SIPA1L1: variants seen among roughly 807,000 people sequenced by gnomAD.
SIPA1L1 encodes the protein signal-induced proliferation-associated 1-like protein 1.
SIPA1L1 carries 26 observed loss-of-function variants against 162.7 expected under a neutral mutation model. That is an observed-to-expected ratio of 0.16 (90% CI 0.12 to 0.22). The LOEUF is 0.22. Ranked by LOEUF, SIPA1L1 falls within the 10% of genes least tolerant of loss-of-function variation. The pLI, the probability that SIPA1L1 is intolerant of heterozygous loss-of-function variation, is 1.00. For synonymous variants in SIPA1L1, 829 were observed against 837.4 expected, an observed-to-expected ratio of 0.99 and a Z score of 0.17; for missense variants, 1,874 against 2,241.0, an observed-to-expected ratio of 0.84 and a Z score of 3.31.
At chr14:71,721,993 C>T (rs921216127) in intron 17 of SIPA1L1, among the ~76,000 whole-genome samples, 1 of 152,200 alleles carries the variant, frequency 6.6e-6, no homozygotes, top group African/African-American at 2.4e-5. Context: ...ATGCTCTGTC[C>T]GTGGGTGCCA....
intron 20 of SIPA1L1, among the ~76,000 whole-genome samples, chr14:71,731,536 G>T (rs1411888065): frequency 6.6e-6 from 1 of 152,132 alleles, no homozygotes; most frequent in South Asian, 2.1e-4. Context: ...TCAGTCTTCC[G>T]TGAATTCCAT....
At chr14:71,651,903 G>A (rs754926872) in intron 8 of SIPA1L1, among the ~76,000 whole-genome samples, 1 of 152,198 alleles carries the variant, frequency 6.6e-6, no homozygotes, top group Non-Finnish European at 1.5e-5. Flanking sequence ...AAAGGCTAGA[G>A]GGGGATGAGC....
At chr14:71,580,737 C>T (rs1056049312) in intron 4 of SIPA1L1, among the ~76,000 whole-genome samples, 1 of 152,054 alleles carries the variant, frequency 6.6e-6, no homozygotes, top group Non-Finnish European at 1.5e-5. Flanking sequence ...AGTATAGTAT[C>T]TTAGAATTAG....
intron 4 of SIPA1L1, among the ~76,000 whole-genome samples, chr14:71,533,752 A>C (rs2053649223): frequency 6.6e-6 from 1 of 152,240 alleles, no homozygotes; most frequent in Non-Finnish European, 1.5e-5. Context: ...CAAATTATAA[A>C]ATTGTTAGAA....
chr14:71,540,518 GAAAAATAA>G (rs1372694661), intron 4 of SIPA1L1, among the ~76,000 whole-genome samples: 3 of 151,906 alleles, frequency 2.0e-5, no homozygotes, highest in Admixed American at 6.6e-5. Context: ...GCATCTCTAC[GAAAAATAA>G]AATTTAAAAA....
intron 4 of SIPA1L1, among the ~76,000 whole-genome samples, chr14:71,540,163 G>A (rs2054254924): frequency 6.6e-6 from 1 of 152,170 alleles, no homozygotes. Flanking sequence ...ACATTGACAA[G>A]CCCCTTGGAA....
chr14:71,554,324 T>C (rs1011481363), intron 4 of SIPA1L1, among the ~76,000 whole-genome samples: 2 of 126,660 alleles, frequency 1.6e-5, no homozygotes, highest in Middle Eastern at 3.6e-3. Context: ...AGCCATGATA[T>C]TGAATTTAAA....
In SIPA1L1 at chr14:71,588,688, C is replaced by T. The variant is rs1306066671; in HGVS notation, c.816C>T (p.Leu272=). 6.2e-7 allele frequency: 1 copy of T among 1,613,936 alleles called. No individual in the cohort carries two copies. Among genetic ancestry groups the T allele is most frequent in the Non-Finnish European group, 8.5e-7 (1 of 1,179,960 alleles). ...GGCCTATCTCACAGAGAGAGAACCT[C>T]AGGCTTTTTAAGGAAAGGGAAAAAC... ...IDGPISQREN[L]RLFKEREKPL... Residue 272 remains leucine (L), a synonymous_variant, in exon 5 of 24, where the codon CTC becomes CTT. Coordinates refer to ENST00000381232, the MANE Select transcript of SIPA1L1 (RefSeq NM_001386936.1). This position sits in a 1 kb window ranked among gnomAD's most constrained non-coding sequence, Gnocchi z 4.3.
At chr14:71,408,256 T>G (rs1212566253) in intron 2 of SIPA1L1, among the ~76,000 whole-genome samples, 2 of 152,212 alleles carry the variant, frequency 1.3e-5, no homozygotes, top group Admixed American at 1.3e-4. Context: ...CCCAAGTGTC[T>G]GGTCTTTGCT....
chr14:71,374,986 C>T (rs1051274212), intron 2 of SIPA1L1, among the ~76,000 whole-genome samples: 2 of 152,140 alleles, frequency 1.3e-5, no homozygotes, highest in Non-Finnish European at 2.9e-5. Flanking sequence ...ACTGTTTCTC[C>T]AATAGAGACA....
At chr14:71,340,368 A>G (rs898049747) in intron 2 of SIPA1L1, among the ~76,000 whole-genome samples, 40 of 152,104 alleles carry the variant, frequency 2.6e-4, no homozygotes, top group African/African-American at 8.2e-4. Flanking sequence ...CCTAGTGCCC[A>G]GTTAGTAATG....
intron 7 of SIPA1L1, among the ~76,000 whole-genome samples, chr14:71,627,884 C>A (rs151178509): frequency 1.9e-3 from 287 of 152,292 alleles, no homozygotes; most frequent in African/African-American, 6.8e-3. Context: ...ATTTACATAT[C>A]TCGAATTACT....
chr14:71,344,159 T>C (rs2035928029), intron 2 of SIPA1L1, among the ~76,000 whole-genome samples: 1 of 152,356 alleles, frequency 6.6e-6, no homozygotes, highest in African/African-American at 2.4e-5. Flanking sequence ...CCCTCATTTT[T>C]GTAGTTCAGA....
chr14:71,381,207 G>A (rs556125646), intron 2 of SIPA1L1, among the ~76,000 whole-genome samples: 1 of 151,990 alleles, frequency 6.6e-6, no homozygotes, highest in South Asian at 2.1e-4. Flanking sequence ...TGCCCACCAC[G>A]GTGCCCGGCT....
intron 5 of SIPA1L1, among the ~76,000 whole-genome samples, chr14:71,599,373 A>G (rs915472113): frequency 3.3e-5 from 5 of 151,116 alleles, no homozygotes; most frequent in African/African-American, 1.2e-4. Flanking sequence ...TGGTCTCAAC[A>G]TGATCCAACC....
intron 12 of SIPA1L1, among the ~76,000 whole-genome samples, chr14:71,673,827 C>A (rs537324687): frequency 6.6e-6 from 1 of 152,124 alleles, no homozygotes; most frequent in African/African-American, 2.4e-5. Context: ...ACTGCCCTAC[C>A]CACATACCCT....
intron 2 of SIPA1L1, among the ~76,000 whole-genome samples, chr14:71,438,180 A>G (rs765771758): frequency 6.6e-6 from 1 of 152,232 alleles, no homozygotes; most frequent in Non-Finnish European, 1.5e-5. Flanking sequence ...TCGTCACCAT[A>G]GTAATTCTTT....
chr14:71,527,749 G>A (rs947324237), intron 3 of SIPA1L1, among the ~76,000 whole-genome samples: 2 of 152,086 alleles, frequency 1.3e-5, no homozygotes, highest in South Asian at 2.1e-4. Flanking sequence ...CCTCAGCCTT[G>A]TCATCATACT....
At chr14:71,382,786 A>G (rs2141214287) in intron 2 of SIPA1L1, among the ~76,000 whole-genome samples, 1 of 152,338 alleles carries the variant, frequency 6.6e-6, no homozygotes. Context: ...CCATATGTGA[A>G]AGATCAGTTC....
Sources: allele counts gnomAD v4.1 joint callset (sites outside exome capture counted in the v4.1 genomes callset), GRCh38; gene constraint gnomAD v4.1.1; non-coding constraint Gnocchi (gnomAD v3.1); transcripts MANE v1.5; gene names NCBI Gene and HGNC (gene_info 2026-07-23, HGNC 2026-07-21).